The following RCSD1 variants were observed in gnomAD, a reference collection of about 807,000 sequenced individuals.
RCSD1 encodes the protein RCSD domain containing 1, also known as capZ-interacting protein.
In RCSD1, 26 loss-of-function variants were observed where a neutral mutation model predicts 42.5. The ratio of observed to expected loss-of-function variants is 0.61; its 90% CI spans 0.45 to 0.85. RCSD1 has a LOEUF of 0.85. Ranked by LOEUF, RCSD1 falls within the 40% of genes least tolerant of loss-of-function variation. The pLI, the probability that RCSD1 is intolerant of heterozygous loss-of-function variation, is 0.00. For missense variants in RCSD1, 571 were observed against 528.3 expected (o/e 1.08, Z -0.79); for synonymous variants, 220 against 212.2 (o/e 1.04, Z -0.32).
chr1:167,639,509 T>C (rs1240199499), intron 1 of RCSD1, among the ~76,000 whole-genome samples: 2 of 152,150 alleles, frequency 1.3e-5, no homozygotes, highest in Non-Finnish European at 2.9e-5. Flanking sequence ...TTTGTTTGTT[T>C]TGAGGTGGAG....
chr1:167,701,067 C>T (rs183451437), intron 6 of RCSD1, among the ~76,000 whole-genome samples: 1 of 152,244 alleles, frequency 6.6e-6, no homozygotes, highest in East Asian at 1.9e-4. Flanking sequence ...TTCCGTATTC[C>T]CAACAGAGCC....
At chr1:167,703,555 C>T (rs764745042) in intron 6 of RCSD1, among the ~76,000 whole-genome samples, 3 of 152,276 alleles carry the variant, frequency 2.0e-5, no homozygotes, top group African/African-American at 4.8e-5. Context: ...AACAGAATTC[C>T]TGGTTTCCAG....
chr1:167,662,536 T>G (rs899585991), intron 1 of RCSD1, among the ~76,000 whole-genome samples: 1 of 152,220 alleles, frequency 6.6e-6, no homozygotes, highest in African/African-American at 2.4e-5. Context: ...TTCATCCACT[T>G]TCCTCTATAA....
chr1:167,704,143 T>C (rs1296821194), intron 6 of RCSD1, among the ~76,000 whole-genome samples: 1 of 152,248 alleles, frequency 6.6e-6, no homozygotes, highest in Non-Finnish European at 1.5e-5. Context: ...AATAAATAGC[T>C]ACTTTACTGT....
At chr1:167,682,877 A>G (rs1310703230) in intron 1 of RCSD1, among the ~76,000 whole-genome samples, 1 of 152,202 alleles carries the variant, frequency 6.6e-6, no homozygotes, top group Non-Finnish European at 1.5e-5. Context: ...AAGTCTGTGT[A>G]AGAAATGCTG....
chr1:167,685,139 A>C (rs1416176801), intron 2 of RCSD1, among the ~76,000 whole-genome samples: 1 of 152,186 alleles, frequency 6.6e-6, no homozygotes, highest in East Asian at 1.9e-4. Context: ...GTGAATCTCA[A>C]GTAAAAGTGG....
chr1:167,682,093 T>C (rs1048997592), intron 1 of RCSD1, among the ~76,000 whole-genome samples: 2 of 152,178 alleles, frequency 1.3e-5, no homozygotes, highest in African/African-American at 2.4e-5. Flanking sequence ...AAGGGGTACC[T>C]GTCTTTTCCT....
rs556807092 is a variant in RCSD1 at position 167,651,791 on chromosome 1, C to T, written c.6+21362C>T. Among the ~76,000 whole-genome samples the T allele has an allele frequency of 7.2e-5, 11 of 152,280 alleles. No homozygotes were observed. In the East Asian group the frequency reaches 2.1e-3, roughly 29 times the overall value. On this transcript the variant is annotated intron_variant, in intron 1 of 6. Transcript: ENST00000367854. ...GAAGAGGGTATAGATACAGGGAAAG[C>T]ATGGCAGGGAACAGGGTGGGATGAG...
At chr1:167,671,019 T>C (rs943198826) in intron 1 of RCSD1, among the ~76,000 whole-genome samples, 1 of 152,226 alleles carries the variant, frequency 6.6e-6, no homozygotes, top group Non-Finnish European at 1.5e-5. Context: ...GATGGACTTA[T>C]CTGCTCATGG....
chr1:167,704,311 G>A (rs1176689073), intron 6 of RCSD1, among the ~76,000 whole-genome samples: 1 of 151,950 alleles, frequency 6.6e-6, no homozygotes, highest in Non-Finnish European at 1.5e-5. Context: ...AGGCATCAAG[G>A]GTGGGCAGGG....
At chr1:167,699,147 A>G (rs1168884144) in intron 6 of RCSD1, among the ~76,000 whole-genome samples, 1 of 152,022 alleles carries the variant, frequency 6.6e-6, no homozygotes, top group African/African-American at 2.4e-5. Flanking sequence ...CCCTGCGTAT[A>G]TAATCCATTC....
intron 1 of RCSD1, among the ~76,000 whole-genome samples, chr1:167,632,163 G>A (rs1657717802): frequency 6.6e-6 from 1 of 152,222 alleles, no homozygotes; most frequent in South Asian, 2.1e-4. Context: ...GGAGGGAAAT[G>A]GCCCAGGCAA....
At chr1:167,661,516 T>G (rs1247645834) in intron 1 of RCSD1, among the ~76,000 whole-genome samples, 1 of 152,236 alleles carries the variant, frequency 6.6e-6, no homozygotes, top group Non-Finnish European at 1.5e-5. Context: ...GAAGGTCCTT[T>G]TGCAATCCTG....
intron 1 of RCSD1, among the ~76,000 whole-genome samples, chr1:167,682,251 C>T (rs980061772): frequency 1.3e-5 from 2 of 151,120 alleles, no homozygotes; most frequent in Non-Finnish European, 2.9e-5. Context: ...CTCACTGCAA[C>T]TTCTGCCTCC....
intron 1 of RCSD1, among the ~76,000 whole-genome samples, chr1:167,661,601 C>T (rs1658544146): frequency 6.6e-6 from 1 of 152,240 alleles, no homozygotes; most frequent in Non-Finnish European, 1.5e-5. Flanking sequence ...CAGCAGCCAC[C>T]ATCCTGGGCT....
At chr1:167,701,290 TTCTTTCTTTCTTTC>T (rs948793208) in intron 6 of RCSD1, among the ~76,000 whole-genome samples, 3 of 147,970 alleles carry the variant, frequency 2.0e-5, no homozygotes, top group African/African-American at 7.5e-5. Flanking sequence ...CTTTCTTTCT[TTCTTTCTTTCTTTC>T]TTTCTTTCTT....
chr1:167,687,431 G>C (rs973566867), intron 3 of RCSD1, among the ~76,000 whole-genome samples: 9 of 151,734 alleles, frequency 5.9e-5, no homozygotes, highest in Non-Finnish European at 1.2e-4. Flanking sequence ...GCTTAGGCAG[G>C]AGAATGGCGT....
intron 1 of RCSD1, among the ~76,000 whole-genome samples, chr1:167,671,828 G>A (rs1333756972): frequency 6.6e-6 from 1 of 152,178 alleles, no homozygotes; most frequent in Non-Finnish European, 1.5e-5. Flanking sequence ...TCATGCTCTG[G>A]CCTCATCTTG....
chr1:167,654,200 C>G (rs1017570971), intron 1 of RCSD1, among the ~76,000 whole-genome samples: 8 of 152,180 alleles, frequency 5.3e-5, no homozygotes, highest in Non-Finnish European at 1.0e-4. Context: ...GGGCCATGTA[C>G]ACAAAGTGGC....
Sources: allele counts gnomAD v4.1 joint callset (sites outside exome capture counted in the v4.1 genomes callset), GRCh38; gene constraint gnomAD v4.1.1; transcripts MANE v1.5; gene names NCBI Gene and HGNC (gene_info 2026-07-23, HGNC 2026-07-21).